Variants in KDM4B observed in about 807,000 individuals in gnomAD.
KDM4B encodes the protein lysine demethylase 4B, also known as lysine-specific demethylase 4B.
KDM4B carries 32 observed loss-of-function variants against 125.2 expected under a neutral mutation model. The observed-to-expected ratio is 0.26, with a 90% CI of 0.19 to 0.34. The LOEUF is 0.34. Ranked by LOEUF, KDM4B falls within the 10% of genes least tolerant of loss-of-function variation. The pLI, the probability that KDM4B is intolerant of heterozygous loss-of-function variation, is 1.00. For synonymous variants in KDM4B, 721 were observed against 677.9 expected (o/e 1.06, Z -0.99); for missense variants, 1,190 against 1,577.7 (o/e 0.75, Z 4.16).
chr19:5,057,591 T>C (rs2037451453), intron 6 of KDM4B, among the ~76,000 whole-genome samples: 1 of 152,236 alleles, frequency 6.6e-6, no homozygotes, highest in Admixed American at 6.5e-5. Context: ...CCGTTCCTCA[T>C]GCAGCAGCTT....
rs926193568 is a variant in KDM4B at position 4,969,182 on chromosome 19, G to A, written c.-157G>A. 1 of 150,268 alleles carries A rather than the reference G, an allele frequency of 6.7e-6. No individual in the cohort carries two copies. The highest frequency in any genetic ancestry group is 2.4e-5 in the African/African-American group (1 of 41,164). 9.3% of individuals were successfully genotyped at this position (150,268 alleles called of 1,614,324 possible). ...GCCTGGGGGTGCGACGCCGAGGGCG[G>A]GGGAGAGCGCGCCGCTGCTCCCGGA... is the stretch of plus-strand genomic sequence containing the variant. On this transcript the variant is annotated 5_prime_UTR_variant, in exon 1 of 23. Transcript: ENST00000159111.
intron 21 of KDM4B, among the ~76,000 whole-genome samples, chr19:5,147,259 A>T (rs754931007): frequency 3.3e-5 from 5 of 152,230 alleles, no homozygotes; most frequent in African/African-American, 4.8e-5. Flanking sequence ...ACAGAGCACA[A>T]CTGTGGTGGA....
Position 5,039,972 on chromosome 19 carries a change from T to C in KDM4B, c.278T>C (p.Met93Thr). The C allele has an allele frequency of 6.2e-7, 1 of 1,612,508 alleles. No homozygotes were observed. The highest frequency in any genetic ancestry group is 8.5e-7 in the Non-Finnish European group (1 of 1,179,656). ...CAGTACAATATCCAGAAGAAGGCCATGACAGTGGGCGAGTACCGCCGCCTG... is the reference window on the plus strand; with the variant it reads ...CAGTACAATATCCAGAAGAAGGCCACGACAGTGGGCGAGTACCGCCGCCTG... ...FTQYNIQKKA[M>T]TVGEYRRLAN... Residue 93 changes from methionine to threonine, a missense_variant, in exon 4 of 23, where the codon ATG becomes ACG. Physicochemically the swap from Met to Thr is moderately conservative, Grantham distance 81. This residue lies in a region of KDM4B where 139 missense variants were observed against 248.3 expected (regional missense o/e 0.56). Coordinates refer to ENST00000159111, the MANE Select transcript of KDM4B (RefSeq NM_015015.3).
At position 5,142,750 on chromosome 19, in the gene KDM4B, T is replaced by C. The variant is rs1340281259; in HGVS notation, c.2551-1217T>C. 1.3e-5 allele frequency among the ~76,000 whole-genome samples: 2 copies of C among 151,694 alleles called. No homozygotes were observed. The highest frequency in any genetic ancestry group is 2.9e-5 in the Non-Finnish European group (2 of 67,922). ...CTGGAGTGATGCCTGGCGCGTGTTG[T>C]GTGATGGGAGAATTGGGTATTTACA... On this transcript the variant is annotated intron_variant, in intron 18 of 22. Transcript: ENST00000159111. The surrounding 1 kb of genome is among the most constrained non-coding windows in gnomAD (Gnocchi z 5.4).
Position 4,986,177 on chromosome 19 carries a change from G to A in KDM4B, c.-109+16947G>A, listed in dbSNP as rs187968717. ...GATGGGGTCCTGATGTGCCCCGTGTGCCATGGCGCTCGCCAAGGGCCAGCA... is the reference window on the plus strand; with the variant it reads ...GATGGGGTCCTGATGTGCCCCGTGTACCATGGCGCTCGCCAAGGGCCAGCA... On this transcript the variant is annotated intron_variant, in intron 1 of 22. Coordinates refer to ENST00000159111, the MANE Select transcript of KDM4B (RefSeq NM_015015.3). 1.7e-3 allele frequency among the ~76,000 whole-genome samples: 265 copies of A among 152,320 alleles called. 3 individuals are homozygous for A. Among genetic ancestry groups the A allele is most frequent in the African/African-American group, 6.1e-3 (255 of 41,572 alleles).
At position 5,082,634 on chromosome 19, in the gene KDM4B, G is replaced by A. The variant is rs1171929900; in HGVS notation, c.918+130G>A. The A allele has an allele frequency of 3.9e-6, 4 of 1,023,572 alleles. No homozygotes were observed. The highest frequency in any genetic ancestry group is 3.3e-5 in the African/African-American group (2 of 60,410). 63.4% of individuals were successfully genotyped at this position (1,023,572 alleles called of 1,614,324 possible). ...GCCCAGGGCCTGGGCTCTCAACCAGGGTCTGATTCTGGGCTCCTCAGAGAG... is the reference window on the plus strand; with the variant it reads ...GCCCAGGGCCTGGGCTCTCAACCAGAGTCTGATTCTGGGCTCCTCAGAGAG... On this transcript the variant is annotated intron_variant, in intron 9 of 22. Coordinates refer to ENST00000159111, the MANE Select transcript of KDM4B (RefSeq NM_015015.3). This position sits in a 1 kb window ranked among gnomAD's most constrained non-coding sequence, Gnocchi z 5.4.
intron 18 of KDM4B, among the ~76,000 whole-genome samples, chr19:5,139,785 A>C (rs542555395): frequency 6.3e-4 from 96 of 152,182 alleles, no homozygotes; most frequent in African/African-American, 2.1e-3. Context: ...TTTGTGGTTG[A>C]GTTGGAGGAT....
At chr19:5,044,865 C>T (rs2036974582) in intron 5 of KDM4B, among the ~76,000 whole-genome samples, 1 of 152,164 alleles carries the variant, frequency 6.6e-6, no homozygotes, top group Non-Finnish European at 1.5e-5. Context: ...TAGCCTTTTC[C>T]CATTGGCCTC....
rs1161217974 is a variant in KDM4B at position 5,032,883 on chromosome 19, C to G, written c.-8C>G. On this transcript the variant is annotated 5_prime_UTR_variant, in exon 3 of 23. Transcript: ENST00000159111. The stretch of plus-strand genomic sequence containing the variant: ...CTCCACAGGTGTGCTTCCCGCACAG[C>G]TGCAGCCATGGGGTCTGAGGACCAC... 1 of 1,613,832 alleles carries G rather than the reference C, an allele frequency of 6.2e-7. No homozygotes were observed. The highest frequency in any genetic ancestry group is 1.1e-5 in the South Asian group (1 of 91,074).
At chr19:5,062,199 G>A (rs375842612) in intron 6 of KDM4B, among the ~76,000 whole-genome samples, 16 of 152,352 alleles carry the variant, frequency 1.1e-4, no homozygotes, top group South Asian at 8.3e-4. Flanking sequence ...CCAGGATATG[G>A]GACCTCAGTG....
At chr19:5,002,436 TTCTC>T (rs2035418817) in intron 1 of KDM4B, among the ~76,000 whole-genome samples, 1 of 151,530 alleles carries the variant, frequency 6.6e-6, no homozygotes, top group Non-Finnish European at 1.5e-5. Context: ...TCTCTCTACT[TTCTC>T]TCCCCTTTCT....
chr19:5,057,716 A>G (rs1473241316), intron 6 of KDM4B, among the ~76,000 whole-genome samples: 1 of 152,162 alleles, frequency 6.6e-6, no homozygotes, highest in African/African-American at 2.4e-5. Context: ...TGGGATCAGG[A>G]GGGCAGCGGG....
At chr19:4,980,421 C>CTTTTTTT (rs572345837) in intron 1 of KDM4B, among the ~76,000 whole-genome samples, 2 of 109,730 alleles carry the variant, frequency 1.8e-5, no homozygotes, top group Non-Finnish European at 3.6e-5. Flanking sequence ...CCTTTTCTTT[C>CTTTTTTT]TTTTTTTTTT....
intron 9 of KDM4B, among the ~76,000 whole-genome samples, chr19:5,100,975 CT>C (rs1040655711): frequency 6.6e-6 from 1 of 152,102 alleles, no homozygotes; most frequent in Non-Finnish European, 1.5e-5. Context: ...GATTCCAGCA[CT>C]TTGGGAGGCT....
rs140410229 is a variant in KDM4B, at chr19:4,971,405, T to G, written c.-109+2175T>G. 1.6e-3 allele frequency among the ~76,000 whole-genome samples: 235 copies of G among 150,824 alleles called. No individual in the cohort carries two copies. Among genetic ancestry groups the G allele is most frequent in the African/African-American group, 5.4e-3 (218 of 40,720 alleles). On this transcript the variant is annotated intron_variant, in intron 1 of 22. Coordinates refer to ENST00000159111, the MANE Select transcript of KDM4B (RefSeq NM_015015.3). This position sits in a 1 kb window ranked among gnomAD's most constrained non-coding sequence, Gnocchi z 4.1. The stretch of plus-strand genomic sequence containing the variant: ...CTGACCACTCTGCCTGTACTTTAAT[T>G]CCTAATTTCTCTGTCTCCTCTGCTG...
chr19:5,033,360 A>T (rs2036519392), intron 3 of KDM4B, among the ~76,000 whole-genome samples: 1 of 152,164 alleles, frequency 6.6e-6, no homozygotes, highest in South Asian at 2.1e-4. Flanking sequence ...CTGACGTCTC[A>T]CTGAGGGACG....
chr19:5,065,168 A>C (rs1215732465), intron 6 of KDM4B, among the ~76,000 whole-genome samples: 1 of 152,198 alleles, frequency 6.6e-6, no homozygotes, highest in Non-Finnish European at 1.5e-5. Context: ...CCTGCTTTGC[A>C]GAGACCAGTG....
intron 9 of KDM4B, among the ~76,000 whole-genome samples, chr19:5,086,940 G>C (rs1285950153): frequency 6.6e-6 from 1 of 152,222 alleles, no homozygotes; most frequent in Non-Finnish European, 1.5e-5. Flanking sequence ...AGAGAAATAC[G>C]ATCTCCCTGC....
At chr19:5,139,842 G>A (rs955030664) in intron 18 of KDM4B, among the ~76,000 whole-genome samples, 10 of 152,232 alleles carry the variant, frequency 6.6e-5, no homozygotes, top group Admixed American at 2.0e-4. Flanking sequence ...CCGTAGATGC[G>A]CGCAGCCACC....
Sources: gnomAD v4.1 joint callset for allele counts (sites outside exome capture counted in the v4.1 genomes callset) on GRCh38, gnomAD v4.1.1 for gene constraint, gnomAD v4.1.1 regional missense constraint, Gnocchi (gnomAD v3.1) non-coding constraint, MANE v1.5 for transcripts, NCBI Gene and HGNC (gene_info 2026-07-23, HGNC 2026-07-21) for gene names.